GGA2: variants seen among roughly 807,000 people sequenced by gnomAD.
GGA2 encodes golgi associated, gamma adaptin ear containing, ARF binding protein 2.
Under a neutral mutation model 79.5 loss-of-function variants are expected in GGA2, and 48 were observed. That is an observed-to-expected ratio of 0.60 (90% CI 0.48 to 0.77). GGA2 has a LOEUF of 0.77. Ranked by LOEUF, GGA2 falls within the 30% of genes least tolerant of loss-of-function variation. GGA2 has a pLI of 0.00. For missense variants in GGA2, 770 were observed against 774.0 expected (o/e 0.99, Z 0.06); for synonymous variants, 317 against 302.0 (o/e 1.05, Z -0.51).
chr16:23,469,943 C>T (rs1185824124), intron 15 of GGA2, 53 bp downstream of exon 15: 1 of 1,325,220 alleles, frequency 7.5e-7, no homozygotes, highest in Non-Finnish European at 1.0e-6. Flanking sequence ...AGAAAAGAAC[C>T]TGGCACTCAA....
At chr16:23,523,913 G>A (rs145856944), upstream of GGA2, 546 of 158,470 alleles carry the variant, frequency 3.4e-3, 6 homozygotes, top group African/African-American at 0.012. Flanking sequence ...CAACAAAAGA[G>A]GCCTCTAGGA....
chr16:23,477,190 G>A (rs1305551052), intron 13 of GGA2, among the ~76,000 whole-genome samples: 1 of 152,132 alleles, frequency 6.6e-6, no homozygotes, highest in Non-Finnish European at 1.5e-5. Flanking sequence ...GGGCTCAAGC[G>A]ATCCACCTGC....
chr16:23,478,825 A>G, intron 12 of GGA2, 58 bp downstream of exon 12: 1 of 1,222,966 alleles, frequency 8.2e-7, no homozygotes, highest in Non-Finnish European at 1.2e-6. Flanking sequence ...GCTGCCTCAC[A>G]AGGGCAGGTC....
intron 8 of GGA2, 90 bp downstream of exon 8, chr16:23,485,925 C>T (rs888681245): frequency 8.3e-7 from 1 of 1,206,674 alleles, no homozygotes. Context: ...CGTCTTGACT[C>T]TGAGATGGCT....
upstream of GGA2, among the ~76,000 whole-genome samples, chr16:23,511,050 T>TGTGTGTGTGTGTGTGTGTG (rs57500272): frequency 1.1e-4 from 16 of 149,384 alleles, no homozygotes; most frequent in South Asian, 4.2e-4. Context: ...TGTGTGTGTG[T>TGTGTGTGTGTGTGTGTGTG]TAGAGACTGG....
chr16:23,479,902 G>A lies in GGA2; in HGVS notation c.1007-15C>T, dbSNP rs764863145. The A allele has an allele frequency of 1.9e-6, 3 of 1,613,456 alleles. No individual in the cohort carries two copies. Among genetic ancestry groups the A allele is most frequent in the Non-Finnish European group, 2.5e-6 (3 of 1,179,640 alleles). ...ATTCTGAAAGACTAGAAAGCCCAGG[G>A]TTAGGAAGAGAAGTCAGTTGGACAT... On this transcript the variant is annotated splice_polypyrimidine_tract_variant and intron_variant, in intron 10 of 16. Coordinates refer to ENST00000309859, the MANE Select transcript of GGA2 (RefSeq NM_015044.4).
intron 1 of GGA2, chr16:23,521,665 A>G: frequency 2.2e-6 from 1 of 451,586 alleles, no homozygotes; most frequent in Admixed American, 2.4e-5. Flanking sequence ...CTCACAAAGC[A>G]TTAGGACGTA....
chr16:23,515,120 G>GA (rs1965095413), upstream of GGA2, among the ~76,000 whole-genome samples: 1 of 147,376 alleles, frequency 6.8e-6, no homozygotes, highest in Non-Finnish European at 1.5e-5. Flanking sequence ...ATTTCATGGG[G>GA]TTTTTTTTTT....
intron 14 of GGA2, among the ~76,000 whole-genome samples, chr16:23,474,569 G>A (rs1043812246): frequency 1.3e-5 from 2 of 151,986 alleles, no homozygotes; most frequent in Non-Finnish European, 2.9e-5. Flanking sequence ...TGTTGGCCAG[G>A]CTGGTCTGGA....
intron 3 of GGA2, 186 bp downstream of exon 3, chr16:23,494,117 G>A (rs1317532361): frequency 1.7e-5 from 10 of 597,992 alleles, no homozygotes; most frequent in Admixed American, 8.8e-5. Context: ...AGAAACAGAC[G>A]AGAAACAGGA....
intron 14 of GGA2, among the ~76,000 whole-genome samples, chr16:23,472,008 G>C (rs891245707): frequency 6.6e-6 from 1 of 152,008 alleles, no homozygotes; most frequent in Non-Finnish European, 1.5e-5. Context: ...CAAGAGTATG[G>C]GGAAAAAAAG....
In GGA2 at chr16:23,520,769, C is replaced by A. The variant is rs74247967; in HGVS notation, c.8+1024G>T. The stretch of plus-strand genomic sequence containing the variant: ...CACACTTCACTTGAGGAAGTAGCAA[C>A]AGCTTTATTAATTTCGCTTTTTTAT... On this transcript the variant is annotated intron_variant, in intron 1 of 5. Coordinates refer to the GGA2 transcript ENST00000569300. Among the ~76,000 whole-genome samples, 140 of 151,526 alleles carry A rather than the reference C, an allele frequency of 9.2e-4. No homozygotes were observed. The East Asian group carries it at 0.022, about 24-fold the overall frequency.
chr16:23,488,501 C>A, intron 6 of GGA2, 105 bp downstream of exon 6: 1 of 757,554 alleles, frequency 1.3e-6, no homozygotes. Context: ...AGAGGAGAAC[C>A]CATGTAACCT....
At chr16:23,510,928 T>TTTCACC (rs1172809343), upstream of GGA2, among the ~76,000 whole-genome samples, 2 of 126,648 alleles carry the variant, frequency 1.6e-5, no homozygotes, top group African/African-American at 6.4e-5. Context: ...TGTGTGTGTG[T>TTTCACC]GTGTGTGTGT....
intron 14 of GGA2, among the ~76,000 whole-genome samples, chr16:23,472,031 A>T (rs1964517096): frequency 6.6e-6 from 1 of 152,118 alleles, no homozygotes; most frequent in Non-Finnish European, 1.5e-5. Flanking sequence ...ACCTTTTCAG[A>T]CGGGAAATTG....
Position 23,467,601 on chromosome 16 carries a change from C to A in GGA2, c.1831G>T (p.Gly611Cys). The part of the protein sequence containing the change: ...VKDFPDLAVL[G>C]AA ...CATCTTGTGAAAAGTTAGGCTGCGC[C>A]CAAGACAGCCAGGTCTGGGAAGTCT... Residue 611 changes from glycine (G) to cysteine (C), a missense_variant, in exon 17 of 17, where the codon GGC becomes TGC. Physicochemically the swap from Gly to Cys is radical, Grantham distance 159 (BLOSUM62 -3). Transcript: ENST00000309859. 2.6e-6 allele frequency: 4 copies of A among 1,564,450 alleles called. No homozygotes were observed. Among genetic ancestry groups the A allele is most frequent in the Non-Finnish European group, 2.6e-6 (3 of 1,135,398 alleles).
chr16:23,469,825 G>A (rs1964487014), intron 15 of GGA2, among the ~76,000 whole-genome samples, 171 bp downstream of exon 15: 1 of 152,192 alleles, frequency 6.6e-6, no homozygotes. Context: ...ACTCATATCT[G>A]AAGTCAGATA....
intron 13 of GGA2, among the ~76,000 whole-genome samples, chr16:23,477,842 C>T (rs1964594340): frequency 6.6e-6 from 1 of 152,196 alleles, no homozygotes; most frequent in Admixed American, 6.5e-5. Context: ...CATTAAACCT[C>T]TTTTTGTTTT....
chr16:23,473,330 CTTT>C (rs34972165), intron 14 of GGA2, among the ~76,000 whole-genome samples: 192 of 70,678 alleles, frequency 2.7e-3, no homozygotes, highest in African/African-American at 0.011. Context: ...CTTTTCTAGT[CTTT>C]TTTTTTTTTT....
Sources: allele counts gnomAD v4.1 joint callset (sites outside exome capture counted in the v4.1 genomes callset), GRCh38; gene constraint gnomAD v4.1.1; transcripts MANE v1.5; gene names NCBI Gene and HGNC (gene_info 2026-07-23, HGNC 2026-07-21).